GALNTL6: variants seen among roughly 807,000 people sequenced by gnomAD.
GALNTL6 encodes the protein polypeptide N-acetylgalactosaminyltransferase like 6, also known as polypeptide N-acetylgalactosaminyltransferase-like 6.
GALNTL6 carries 46 observed loss-of-function variants against 73.7 expected under a neutral mutation model. The observed-to-expected ratio is 0.62, with a 90% CI of 0.49 to 0.80. The LOEUF is 0.80. Ranked by LOEUF, GALNTL6 falls within the 30% of genes least tolerant of loss-of-function variation. GALNTL6 has a pLI of 0.00. For missense variants in GALNTL6, 604 were observed against 755.0 expected (o/e 0.80, Z 2.34); for synonymous variants, 259 against 263.7 (o/e 0.98, Z 0.17).
Position 172,068,496 on chromosome 4 carries a change from C to T in GALNTL6, c.139-161160C>T, listed in dbSNP as rs1731422124. ...TCTTGCATTCAGGCCTCTGCATTCA[C>T]TGTTTCCTCTCTCTAAATTAGAATG... On this transcript the variant is annotated intron_variant, in intron 2 of 12. Transcript: ENST00000506823. Among the ~76,000 whole-genome samples, 2 of 110,196 alleles carry T rather than the reference C, an allele frequency of 1.8e-5. 1 individual carries two copies. Among genetic ancestry groups the T allele is most frequent in the South Asian group, 5.3e-4 (2 of 3,780 alleles). 72.3% of individuals were successfully genotyped at this position (110,196 alleles called of 152,430 possible).
intron 5 of GALNTL6, among the ~76,000 whole-genome samples, chr4:172,685,049 G>T (rs1732838524): frequency 6.6e-6 from 1 of 151,972 alleles, no homozygotes; most frequent in Non-Finnish European, 1.5e-5. Context: ...TTAAGATATG[G>T]CCTTGCACAT....
intron 8 of GALNTL6, among the ~76,000 whole-genome samples, chr4:172,918,919 A>G (rs913768479): frequency 6.6e-6 from 1 of 152,234 alleles, no homozygotes; most frequent in African/African-American, 2.4e-5. Context: ...ACACCATTAT[A>G]AACCTTCAAG....
chr4:172,843,271 C>T (rs564246903), intron 7 of GALNTL6, among the ~76,000 whole-genome samples: 1 of 152,330 alleles, frequency 6.6e-6, no homozygotes, highest in East Asian at 1.9e-4. Context: ...ACCTCCCACT[C>T]GCTTTACTTC....
At chr4:172,681,530 G>T (rs972601889) in intron 5 of GALNTL6, among the ~76,000 whole-genome samples, 16 of 152,096 alleles carry the variant, frequency 1.1e-4, no homozygotes, top group African/African-American at 3.6e-4. Context: ...ATCTTATATT[G>T]GTATAATACT....
chr4:172,874,637 G>A (rs1318725443), intron 7 of GALNTL6, among the ~76,000 whole-genome samples: 1 of 152,150 alleles, frequency 6.6e-6, no homozygotes, highest in Non-Finnish European at 1.5e-5. Flanking sequence ...TACATGTATC[G>A]TTAGGTGTGT....
At chr4:172,231,496 TCTTATCATGGTCC>T (rs1737069482) in intron 3 of GALNTL6, among the ~76,000 whole-genome samples, 4 of 152,140 alleles carry the variant, frequency 2.6e-5, no homozygotes, top group Non-Finnish European at 4.4e-5. Flanking sequence ...AAGAACCAGG[TCTTATCATGGTCC>T]ATTATACTCC....
chr4:172,871,789 T>TGTTTTTG (rs1744957592), intron 7 of GALNTL6, among the ~76,000 whole-genome samples: 1 of 152,086 alleles, frequency 6.6e-6, no homozygotes, highest in South Asian at 2.1e-4. Flanking sequence ...GTTTGTTTTT[T>TGTTTTTG]GGGGTTTTTT....
chr4:172,812,009 AATGGATGGATGG>A (rs71910847), intron 6 of GALNTL6, among the ~76,000 whole-genome samples: 10,816 of 148,250 alleles, frequency 0.073, 534 homozygotes, highest in Middle Eastern at 0.15. Context: ...TGGATGGATA[AATGGATGGATGG>A]ATGGATGGAT....
chr4:172,793,272 G>A (rs2110936475), intron 5 of GALNTL6, among the ~76,000 whole-genome samples: 1 of 152,224 alleles, frequency 6.6e-6, no homozygotes, highest in East Asian at 1.9e-4. Flanking sequence ...AGAAAAAGTA[G>A]TCTCAGACTC....
intron 4 of GALNTL6, among the ~76,000 whole-genome samples, chr4:172,327,366 A>C (rs1039936898): frequency 6.6e-6 from 1 of 152,100 alleles, no homozygotes; most frequent in African/African-American, 2.4e-5. Context: ...AGAAAAATGT[A>C]TATTTTGTTG....
At chr4:172,472,943 G>A (rs1733103630) in intron 5 of GALNTL6, among the ~76,000 whole-genome samples, 1 of 152,238 alleles carries the variant, frequency 6.6e-6, no homozygotes, top group East Asian at 1.9e-4. Flanking sequence ...AGTGTTTAGC[G>A]TTTTTGCTAA....
intron 9 of GALNTL6, among the ~76,000 whole-genome samples, chr4:172,931,496 T>C (rs1455684442): frequency 6.6e-6 from 1 of 152,242 alleles, no homozygotes; most frequent in Non-Finnish European, 1.5e-5. Flanking sequence ...ATCTTCACCA[T>C]TACCTTCTGA....
intron 3 of GALNTL6, among the ~76,000 whole-genome samples, chr4:172,236,745 G>C (rs930430407): frequency 8.7e-6 from 1 of 114,696 alleles, no homozygotes; most frequent in Non-Finnish European, 1.8e-5. Flanking sequence ...TTTAATTTTA[G>C]GTATACATTT....
intron 2 of GALNTL6, among the ~76,000 whole-genome samples, chr4:171,912,410 T>G (rs1737501652): frequency 1.3e-5 from 2 of 152,202 alleles, no homozygotes; most frequent in Non-Finnish European, 2.9e-5. Flanking sequence ...CATATTTTCT[T>G]ATTCTTTTCT....
chr4:172,133,461 A>G (rs1733554378), intron 2 of GALNTL6, among the ~76,000 whole-genome samples: 1 of 152,232 alleles, frequency 6.6e-6, no homozygotes, highest in Non-Finnish European at 1.5e-5. Context: ...GAGTGAGGAA[A>G]ATTGGTTTAA....
chr4:172,728,342 T>A lies in GALNTL6; in HGVS notation c.554-81019T>A, dbSNP rs1735948372. ...CAATCTTCATGAGATCCACTTTTTT[T>A]AGTTCTCACATAGGAGTGAGAATAT... On this transcript the variant is annotated intron_variant, in intron 5 of 12. Transcript: ENST00000506823. Among the ~76,000 whole-genome samples, 3 of 152,220 alleles carry A rather than the reference T, an allele frequency of 2.0e-5. No individual in the cohort carries two copies. The South Asian group carries it at 6.2e-4, about 32-fold the overall frequency.
intron 2 of GALNTL6, among the ~76,000 whole-genome samples, chr4:172,052,749 T>G (rs1275810830): frequency 6.6e-6 from 1 of 152,190 alleles, no homozygotes; most frequent in Non-Finnish European, 1.5e-5. Context: ...AGTTTTAAGC[T>G]TTGATATTTG....
chr4:171,970,204 A>C (rs1560864631), intron 2 of GALNTL6, among the ~76,000 whole-genome samples: 1 of 127,696 alleles, frequency 7.8e-6, no homozygotes, highest in Non-Finnish European at 1.8e-5. Flanking sequence ...GGCCATGATC[A>C]ACCCTAGCCA....
intron 3 of GALNTL6, among the ~76,000 whole-genome samples, chr4:172,305,392 C>T (rs1482529757): frequency 6.6e-6 from 1 of 152,044 alleles, no homozygotes; most frequent in African/African-American, 2.4e-5. Context: ...TTTAAAACAT[C>T]TCACATACCT....
Sources: gnomAD v4.1 joint callset for allele counts (sites outside exome capture counted in the v4.1 genomes callset) on GRCh38, gnomAD v4.1.1 for gene constraint, MANE v1.5 for transcripts, NCBI Gene and HGNC (gene_info 2026-07-23, HGNC 2026-07-21) for gene names.